The following VWF variants were observed in gnomAD, a reference collection of about 807,000 sequenced individuals.
VWF encodes von Willebrand factor, also known as Factor VIII related antigen.
A neutral mutation model predicts 308.6 loss-of-function variants in VWF; 176 were observed. The observed-to-expected ratio is 0.57, with a 90% CI of 0.50 to 0.65. The LOEUF (loss-of-function observed/expected upper bound fraction) is 0.65. Among genes scored for constraint, VWF ranks in the 30% least tolerant of loss-of-function variants. The pLI is 0.00. For missense variants in VWF, 3,146 were observed against 3,648.2 expected, an observed-to-expected ratio of 0.86 and a Z score of 3.55; for synonymous variants, 1,385 against 1,443.4, an observed-to-expected ratio of 0.96 and a Z score of 0.92.
chr12:6,094,933 G>T (rs1455893559), intron 6 of VWF, among the ~76,000 whole-genome samples: 1 of 140,092 alleles, frequency 7.1e-6, no homozygotes, highest in Non-Finnish European at 1.5e-5. Context: ...GCCCAGGCTG[G>T]AGTGCTAAGC....
At chr12:5,995,837 G>A (rs1037135146) in intron 35 of VWF, among the ~76,000 whole-genome samples, 165 bp downstream of exon 35, 4 of 152,054 alleles carry the variant, frequency 2.6e-5, no homozygotes, top group African/African-American at 7.2e-5. Context: ...CCAAGACAAG[G>A]GGATGGCAAT....
chr12:6,072,389 C>T lies in VWF; in HGVS notation c.1051G>A (p.Val351Met), dbSNP rs535978867. ...GGAGGGTAGCGCTTTCCGGAATGCACGCAGGGACACTCGGTGCTCTCCACG... is the reference window on the plus strand; with the variant it reads ...GGAGGGTAGCGCTTTCCGGAATGCATGCAGGGACACTCGGTGCTCTCCACG... Reference protein sequence around the residue: ...LCVESTECPCVHSGKRYPPGT... With the variant: ...LCVESTECPCMHSGKRYPPGT... The change falls in exon 9 of 52, where the codon GTG (valine) becomes ATG (methionine). Residue 351 changes from valine to methionine, a missense_variant. This residue lies in a region of VWF where 1,304 missense variants were observed against 1,353.0 expected (regional missense o/e 0.96). Coordinates refer to ENST00000261405, the MANE Select transcript of VWF (RefSeq NM_000552.5). 61 of 1,613,984 alleles carry T rather than the reference C, an allele frequency of 3.8e-5. No individual in the cohort carries two copies. Among genetic ancestry groups the T allele is most frequent in the African/African-American group, 1.1e-4 (8 of 74,886 alleles).
At chr12:6,111,052 C>A (rs1030791393) in intron 3 of VWF, 84 bp from the exon 4 acceptor site, 1 of 1,313,562 alleles carries the variant, frequency 7.6e-7, no homozygotes, top group South Asian at 1.2e-5. Flanking sequence ...ATCTACGTAA[C>A]CTTTTCTCAG....
At chr12:6,052,866 G>A in intron 15 of VWF, 83 bp from the exon 16 acceptor site, 1 of 1,517,898 alleles carries the variant, frequency 6.6e-7, no homozygotes. Context: ...ACCCCTTGTA[G>A]CTGTGACCCC....
intron 34 of VWF, among the ~76,000 whole-genome samples, chr12:6,007,357 G>A (rs544192972): frequency 7.2e-5 from 11 of 152,248 alleles, no homozygotes; most frequent in African/African-American, 2.6e-4. Flanking sequence ...AATTTAAGGA[G>A]GCTAAAATCA....
chr12:6,031,696 C>T, intron 20 of VWF, 118 bp from the exon 21 acceptor site: 4 of 1,507,822 alleles, frequency 2.7e-6, no homozygotes, highest in Non-Finnish European at 3.7e-6. Flanking sequence ...CTTGCCACGT[C>T]CATGGCTGCG....
chr12:6,071,259 CAGGGAAGGAGGA>C, intron 10 of VWF, 26 bp downstream of exon 10: 1 of 1,610,568 alleles, frequency 6.2e-7, no homozygotes, highest in Non-Finnish European at 8.5e-7. Context: ...CTCCCCGATT[CAGGGAAGGAGGA>C]AGAGAATGAG....
chr12:6,121,468 A>G, intron 2 of VWF, 130 bp from the exon 3 acceptor site: 5 of 1,157,960 alleles, frequency 4.3e-6, no homozygotes, highest in Non-Finnish European at 6.3e-6. Context: ...GGTATTTTCC[A>G]TCCTAAATGA....
At chr12:6,073,421 C>T (rs544518736) in intron 8 of VWF, among the ~76,000 whole-genome samples, 198 bp downstream of exon 8, 1 of 152,200 alleles carries the variant, frequency 6.6e-6, no homozygotes, top group Admixed American at 6.5e-5. Flanking sequence ...TTCATGGATA[C>T]AGTACAACAG....
intron 6 of VWF, among the ~76,000 whole-genome samples, chr12:6,079,656 T>C (rs2136479790): frequency 6.6e-6 from 1 of 151,528 alleles, no homozygotes; most frequent in South Asian, 2.1e-4. Flanking sequence ...CGTCTTGTAC[T>C]CTCAGGCTCG....
At chr12:6,106,928 T>C (rs989262982) in intron 5 of VWF, among the ~76,000 whole-genome samples, 1 of 142,592 alleles carries the variant, frequency 7.0e-6, no homozygotes, top group Non-Finnish European at 1.6e-5. Flanking sequence ...ACATGTATCA[T>C]AGCACAATAA....
intron 1 of VWF, among the ~76,000 whole-genome samples, chr12:6,123,950 G>A (rs1945459450): frequency 1.3e-5 from 2 of 152,116 alleles, no homozygotes; most frequent in Admixed American, 1.3e-4. Flanking sequence ...GTTAAATGAA[G>A]TGCAGAATCT....
intron 3 of VWF, among the ~76,000 whole-genome samples, chr12:6,118,998 ACTACCTCC>A (rs1270043749): frequency 3.9e-5 from 6 of 152,210 alleles, no homozygotes; most frequent in African/African-American, 1.4e-4. Context: ...TGGCCTTTTC[ACTACCTCC>A]CTGGTTACCA....
intron 44 of VWF, among the ~76,000 whole-genome samples, chr12:5,969,850 G>T (rs139522690): frequency 5.2e-4 from 79 of 152,298 alleles, no homozygotes; most frequent in Admixed American, 7.2e-4. Flanking sequence ...ATCTGTCCAC[G>T]AAGACTGCAC....
chr12:6,050,757 C>A (rs1009059015), intron 16 of VWF, among the ~76,000 whole-genome samples: 1 of 152,070 alleles, frequency 6.6e-6, no homozygotes, highest in African/African-American at 2.4e-5. Flanking sequence ...GTCAGGAGTT[C>A]GAGACCAGCC....
At chr12:5,997,503 C>T (rs1195368110) in intron 34 of VWF, among the ~76,000 whole-genome samples, 1 of 152,188 alleles carries the variant, frequency 6.6e-6, no homozygotes, top group East Asian at 1.9e-4. Context: ...CTTGCTTGCA[C>T]TGTGACCTTG....
chr12:6,080,261 G>A (rs1944895185), intron 6 of VWF, among the ~76,000 whole-genome samples: 1 of 152,228 alleles, frequency 6.6e-6, no homozygotes, highest in Non-Finnish European at 1.5e-5. Context: ...AGGGAATAAG[G>A]ATATGCTGAA....
Position 6,019,458 on chromosome 12 carries a change from C to T in VWF, c.3960G>A (p.Glu1320=), listed in dbSNP as rs1411579975. ...TGTAGGCGTGGGAGCCGTCGTGGTA[C>T]TCCACCACGGCCACGCGGACCCACT... ...SQKWVRVAVV[E]YHDGSHAYIG... The change falls in exon 28 of 52, where the codon GAG becomes GAA. Residue 1320 remains glutamate (E), a synonymous_variant. Transcript: ENST00000261405. This position sits in a 1 kb window ranked among gnomAD's most constrained non-coding sequence, Gnocchi z 5.8. 2 of 1,613,910 alleles carry T rather than the reference C, an allele frequency of 1.2e-6. No individual in the cohort carries two copies. The highest frequency in any genetic ancestry group is 1.7e-6 in the Non-Finnish European group (2 of 1,179,848).
chr12:6,042,712 T>C (rs12367255), intron 18 of VWF, among the ~76,000 whole-genome samples: 6,015 of 152,324 alleles, frequency 0.039, 147 homozygotes, highest in Middle Eastern at 0.068. Context: ...CCTAACAGGA[T>C]AGCCACAGCC....
Sources: gnomAD v4.1 joint callset for allele counts (sites outside exome capture counted in the v4.1 genomes callset) on GRCh38, gnomAD v4.1.1 for gene constraint, gnomAD v4.1.1 regional missense constraint, Gnocchi (gnomAD v3.1) non-coding constraint, MANE v1.5 for transcripts, NCBI Gene and HGNC (gene_info 2026-07-23, HGNC 2026-07-21) for gene names.